Variants in LAMA1 observed in about 807,000 individuals in gnomAD.
LAMA1 encodes the protein laminin subunit alpha-1.
A neutral mutation model predicts 348.7 loss-of-function variants in LAMA1; 219 were observed. The observed-to-expected ratio is 0.63, with a 90% CI of 0.56 to 0.70. The LOEUF (loss-of-function observed/expected upper bound fraction) is 0.70, where lower values mean the gene tolerates loss of function less well. Ranked by LOEUF, LAMA1 falls within the 30% of genes least tolerant of loss-of-function variation. The pLI is 0.00. For synonymous variants in LAMA1, 1,487 were observed against 1,491.0 expected (o/e 1.00, Z 0.06); for missense variants, 3,744 against 3,888.0 (o/e 0.96, Z 0.99).
chr18:7,089,145 G>A (rs978669570), intron 1 of LAMA1, among the ~76,000 whole-genome samples: 2 of 152,160 alleles, frequency 1.3e-5, no homozygotes, highest in African/African-American at 4.8e-5. Context: ...TTCGGAGGCT[G>A]AGGCAGGCGA....
chr18:7,087,852 C>T (rs757343417), intron 1 of LAMA1, among the ~76,000 whole-genome samples: 11 of 152,192 alleles, frequency 7.2e-5, no homozygotes, highest in Middle Eastern at 3.4e-3. Context: ...GGCACCCAGG[C>T]GTTTTTGTGA....
chr18:7,039,989 G>T, intron 10 of LAMA1, 87 bp downstream of exon 10: 3 of 1,492,428 alleles, frequency 2.0e-6, no homozygotes, highest in Non-Finnish European at 2.8e-6. Flanking sequence ...CTTTGCTCAA[G>T]AACTGATCAT....
rs757618392 is a variant in LAMA1, at chr18:7,009,227, A to C, written c.4001+12T>G. The C allele has an allele frequency of 3.2e-5, 52 of 1,613,956 alleles. No individual in the cohort carries two copies. In the East Asian group the frequency reaches 1.1e-3, roughly 35 times the overall value. ...TGAAAATAACGGTCAAAATTCTAGA[A>C]GCTCCAAGTACCTGCTCTGCTGTAA... On this transcript the variant is annotated intron_variant, in intron 27 of 62. Coordinates refer to ENST00000389658, the MANE Select transcript of LAMA1 (RefSeq NM_005559.4).
chr18:7,033,135 A>G (rs777196741), intron 14 of LAMA1, 40 bp from the exon 15 acceptor site: 1 of 1,361,978 alleles, frequency 7.3e-7, no homozygotes, highest in South Asian at 1.2e-5. Context: ...ACACGCTCGC[A>G]AATACATCTC....
intron 3 of LAMA1, among the ~76,000 whole-genome samples, chr18:7,070,329 T>C (rs929826726): frequency 6.6e-5 from 10 of 152,114 alleles, no homozygotes; most frequent in Non-Finnish European, 1.5e-4. Context: ...CTAGGAAGGG[T>C]TTCTGCCTAA....
intron 23 of LAMA1, among the ~76,000 whole-genome samples, chr18:7,012,888 G>A (rs111445574): frequency 0.031 from 4,700 of 151,214 alleles, 236 homozygotes; most frequent in African/African-American, 0.11. Flanking sequence ...GTCTGGGCAC[G>A]GTGGTTCACA....
At chr18:7,049,324 G>A in intron 4 of LAMA1, 67 bp from the exon 5 acceptor site, 2 of 1,426,968 alleles carry the variant, frequency 1.4e-6, no homozygotes, top group Non-Finnish European at 2.0e-6. Context: ...TTTTGAGATG[G>A]CGTCTCGCTC....
At chr18:6,955,870 T>C in intron 56 of LAMA1, 1 of 353,660 alleles carries the variant, frequency 2.8e-6, no homozygotes, top group South Asian at 2.2e-5. Flanking sequence ...AAACTGGAGG[T>C]GCCCACAGGT....
At chr18:7,007,457 G>A (rs1193962008) in intron 28 of LAMA1, among the ~76,000 whole-genome samples, 181 bp from the exon 29 acceptor site, 1 of 145,898 alleles carries the variant, frequency 6.9e-6, no homozygotes, top group Non-Finnish European at 1.5e-5. Flanking sequence ...ACACCTGTTA[G>A]GGTATCAACT....
chr18:7,110,185 C>T, intron 1 of LAMA1, among the ~76,000 whole-genome samples: 1 of 145,020 alleles, frequency 6.9e-6, no homozygotes, highest in East Asian at 2.1e-4. Flanking sequence ...CATCCCCCCA[C>T]CCGCTGCCAA....
chr18:7,047,628 C>T (rs886487964), intron 5 of LAMA1, among the ~76,000 whole-genome samples: 2 of 151,742 alleles, frequency 1.3e-5, no homozygotes, highest in South Asian at 2.1e-4. Context: ...GAAACCTGAC[C>T]TCTCAAGACC....
chr18:7,113,869 G>C (rs1457976521), intron 1 of LAMA1, among the ~76,000 whole-genome samples: 1 of 152,172 alleles, frequency 6.6e-6, no homozygotes, highest in Non-Finnish European at 1.5e-5. Flanking sequence ...CAGGTCATGA[G>C]ATCGAGACCA....
At chr18:7,019,927 C>A (rs1472681694) in intron 19 of LAMA1, among the ~76,000 whole-genome samples, 1 of 151,962 alleles carries the variant, frequency 6.6e-6, no homozygotes. Context: ...GGTGATCCAC[C>A]TGCCTCAGCC....
intron 42 of LAMA1, among the ~76,000 whole-genome samples, chr18:6,978,623 A>G (rs1038591653): frequency 1.3e-5 from 2 of 152,192 alleles, no homozygotes; most frequent in Admixed American, 1.3e-4. Flanking sequence ...CCTTTTAGGG[A>G]CAAATGAAAT....
chr18:6,995,540 A>G, intron 33 of LAMA1, 94 bp from the exon 34 acceptor site: 1 of 764,702 alleles, frequency 1.3e-6, no homozygotes, highest in Non-Finnish European at 2.4e-6. Context: ...TTGTTCACAG[A>G]AAGAAATTCT....
intron 14 of LAMA1, 103 bp downstream of exon 14, chr18:7,034,376 T>C (rs1230915767): frequency 8.3e-6 from 7 of 844,004 alleles, no homozygotes; most frequent in Middle Eastern, 2.6e-4. Context: ...GTGTCCTTAA[T>C]ATAATGAATG....
chr18:7,079,609 C>T (rs1568058917), intron 3 of LAMA1: 1 of 342,432 alleles, frequency 2.9e-6, no homozygotes, highest in South Asian at 2.6e-5. Context: ...ATTAGCAAGA[C>T]AGTAAGCTAA....
At chr18:7,072,559 T>C (rs1004477368) in intron 3 of LAMA1, among the ~76,000 whole-genome samples, 1 of 152,212 alleles carries the variant, frequency 6.6e-6, no homozygotes, top group African/African-American at 2.4e-5. Flanking sequence ...TAGTTTGTAA[T>C]GTATTAGACA....
intron 3 of LAMA1, among the ~76,000 whole-genome samples, chr18:7,075,571 C>T (rs555694119): frequency 1.1e-4 from 16 of 151,618 alleles, no homozygotes; most frequent in Non-Finnish European, 1.9e-4. Flanking sequence ...TGCAGTGAGC[C>T]GAGATCGCGC....
Sources: gnomAD v4.1 joint callset for allele counts (sites outside exome capture counted in the v4.1 genomes callset) on GRCh38, gnomAD v4.1.1 for gene constraint, MANE v1.5 for transcripts, NCBI Gene and HGNC (gene_info 2026-07-23, HGNC 2026-07-21) for gene names.